Variants in KCNJ6 observed in about 807,000 individuals in gnomAD.
The protein encoded by KCNJ6 is potassium inwardly rectifying channel subfamily J member 6.
In KCNJ6, 9 loss-of-function variants were observed where a neutral mutation model predicts 34.2. That is an observed-to-expected ratio of 0.26 (90% confidence interval 0.16 to 0.46). The LOEUF is 0.46. KCNJ6 is among the 20% of genes least tolerant of loss of function. The probability of loss-of-function intolerance (pLI) is 1.00; values close to 1 mark genes in which losing one functional copy is unlikely to be tolerated. For synonymous variants in KCNJ6, 196 were observed against 207.1 expected (o/e 0.95, Z 0.46); for missense variants, 236 against 531.3 (o/e 0.44, Z 5.46).
intron 2 of KCNJ6, among the ~76,000 whole-genome samples, chr21:37,811,365 C>T (rs1301793617): frequency 6.6e-6 from 1 of 152,142 alleles, no homozygotes; most frequent in African/African-American, 2.4e-5. Context: ...TCAGAAGAAC[C>T]CCAGGTTTAT....
intron 3 of KCNJ6, among the ~76,000 whole-genome samples, chr21:37,705,893 G>T (rs2054717031): frequency 6.6e-6 from 1 of 152,138 alleles, no homozygotes; most frequent in Admixed American, 6.5e-5. Context: ...GGCAAGATAG[G>T]CTAGATTTTA....
intron 1 of KCNJ6, among the ~76,000 whole-genome samples, chr21:37,914,763 A>G (rs1199301000): frequency 6.6e-6 from 1 of 152,060 alleles, no homozygotes; most frequent in Non-Finnish European, 1.5e-5. Context: ...TTTTTCAGCA[A>G]AAGAAAGGCA....
intron 1 of KCNJ6, among the ~76,000 whole-genome samples, chr21:37,915,177 A>G (rs1243741274): frequency 6.6e-6 from 1 of 152,224 alleles, no homozygotes; most frequent in Non-Finnish European, 1.5e-5. Flanking sequence ...AAATGAAAAT[A>G]TATCCACAGG....
chr21:37,790,847 G>A (rs560638432), intron 2 of KCNJ6, among the ~76,000 whole-genome samples: 28 of 152,266 alleles, frequency 1.8e-4, no homozygotes, highest in Non-Finnish European at 2.9e-4. Flanking sequence ...CATGCCCACC[G>A]TCCCAAAGGA....
chr21:37,889,307 C>A (rs2055750551), intron 1 of KCNJ6, among the ~76,000 whole-genome samples: 1 of 152,164 alleles, frequency 6.6e-6, no homozygotes, highest in South Asian at 2.1e-4. Context: ...TCTCAACAGG[C>A]AGAAGAGCCT....
At chr21:37,741,816 G>T (rs548025844) in intron 2 of KCNJ6, among the ~76,000 whole-genome samples, 1 of 152,294 alleles carries the variant, frequency 6.6e-6, no homozygotes, top group South Asian at 2.1e-4. Context: ...AAGTCCTGTG[G>T]CTTCCTTTTC....
At chr21:37,914,065 G>T (rs1312994623) in intron 1 of KCNJ6, among the ~76,000 whole-genome samples, 1 of 150,664 alleles carries the variant, frequency 6.6e-6, no homozygotes, top group Non-Finnish European at 1.5e-5. Flanking sequence ...GCGCGCGCGC[G>T]TCCTTTTTCT....
At chr21:37,799,972 C>A (rs2055261575) in intron 2 of KCNJ6, among the ~76,000 whole-genome samples, 1 of 152,166 alleles carries the variant, frequency 6.6e-6, no homozygotes, top group Non-Finnish European at 1.5e-5. Flanking sequence ...AAGAGAGGCA[C>A]CCAAATGCCT....
chr21:37,676,858 G>T (rs1036794529), intron 3 of KCNJ6, among the ~76,000 whole-genome samples: 10 of 152,256 alleles, frequency 6.6e-5, no homozygotes, highest in Non-Finnish European at 1.2e-4. Flanking sequence ...TGCTGAGGTT[G>T]AGGAACCACG....
intron 2 of KCNJ6, among the ~76,000 whole-genome samples, chr21:37,789,886 G>A (rs971367589): frequency 1.3e-5 from 2 of 152,148 alleles, no homozygotes; most frequent in Non-Finnish European, 2.9e-5. Flanking sequence ...ATTAGTCTGT[G>A]GTTTGAGTGG....
chr21:37,735,934 A>G (rs2054910616), intron 2 of KCNJ6, among the ~76,000 whole-genome samples: 1 of 152,156 alleles, frequency 6.6e-6, no homozygotes. Flanking sequence ...CTATGGGATG[A>G]GCCATTGGGA....
chr21:37,845,308 G>C (rs2055501080), intron 1 of KCNJ6, among the ~76,000 whole-genome samples: 2 of 152,148 alleles, frequency 1.3e-5, no homozygotes, highest in African/African-American at 4.8e-5. Context: ...ATACTTGTTG[G>C]GAGAAAAGAA....
chr21:37,758,938 G>T (rs75568857), intron 2 of KCNJ6, among the ~76,000 whole-genome samples: 3,426 of 152,292 alleles, frequency 0.022, 114 homozygotes, highest in African/African-American at 0.077. Context: ...CCCGGCCTTA[G>T]ATATTTTACA....
Position 37,638,518 on chromosome 21 carries a change from A to G in KCNJ6, c.947-13034T>C, listed in dbSNP as rs187904917. 2.7e-4 allele frequency among the ~76,000 whole-genome samples: 41 copies of G among 152,302 alleles called. 1 individual carries two copies. Among genetic ancestry groups the G allele is most frequent in the Admixed American group, 2.1e-3 (32 of 15,292 alleles). On this transcript the variant is annotated intron_variant, in intron 3 of 3. Coordinates refer to ENST00000609713, the MANE Select transcript of KCNJ6 (RefSeq NM_002240.5). ...TTGATAACATATTTTACAAAATAAA[A>G]TGGAGTGCAAATGAATGATCATAGC...
At chr21:37,660,203 ACT>A (rs1468643608) in intron 3 of KCNJ6, among the ~76,000 whole-genome samples, 21 of 151,842 alleles carry the variant, frequency 1.4e-4, no homozygotes, top group Admixed American at 1.4e-3. Context: ...ACACACCTAC[ACT>A]CTCTTCCTTT....
intron 2 of KCNJ6, among the ~76,000 whole-genome samples, chr21:37,792,140 A>C (rs1428685722): frequency 6.6e-6 from 1 of 152,232 alleles, no homozygotes; most frequent in African/African-American, 2.4e-5. Context: ...CAGAAGACAG[A>C]ATAAGAGAAA....
chr21:37,761,359 A>AGT (rs974959212), intron 2 of KCNJ6, among the ~76,000 whole-genome samples: 16 of 143,540 alleles, frequency 1.1e-4, no homozygotes, highest in African/African-American at 2.6e-4. Flanking sequence ...TGTTGTATGT[A>AGT]GTGTGTGTGT....
chr21:37,680,561 T>C (rs1407847988), intron 3 of KCNJ6, among the ~76,000 whole-genome samples: 1 of 152,210 alleles, frequency 6.6e-6, no homozygotes, highest in African/African-American at 2.4e-5. Context: ...ATCAATAGAC[T>C]GAATAAAACT....
intron 3 of KCNJ6, among the ~76,000 whole-genome samples, chr21:37,702,729 G>A (rs1388325378): frequency 6.6e-6 from 1 of 152,162 alleles, no homozygotes; most frequent in Non-Finnish European, 1.5e-5. Context: ...GACTCTGGTT[G>A]GAATAGGCTC....
Sources: gnomAD v4.1 joint callset for allele counts (sites outside exome capture counted in the v4.1 genomes callset) on GRCh38, gnomAD v4.1.1 for gene constraint, MANE v1.5 for transcripts, NCBI Gene and HGNC (gene_info 2026-07-23, HGNC 2026-07-21) for gene names.